Variants in ATP8A1 observed in about 807,000 individuals in gnomAD.
The protein encoded by ATP8A1 is ATPase phospholipid transporting 8A1.
ATP8A1 carries 90 observed loss-of-function variants against 177.7 expected under a neutral mutation model. That is an observed-to-expected ratio of 0.51 (90% CI 0.43 to 0.60). The LOEUF (loss-of-function observed/expected upper bound fraction) is 0.60, where lower values mean the gene tolerates loss of function less well. Ranked by LOEUF, ATP8A1 falls within the 20% of genes least tolerant of loss-of-function variation. The pLI, the probability that ATP8A1 is intolerant of heterozygous loss-of-function variation, is 0.00. For synonymous variants in ATP8A1, 493 were observed against 485.9 expected (o/e 1.01, Z -0.19); for missense variants, 1,072 against 1,392.8 (o/e 0.77, Z 3.67).
At chr4:42,430,647 G>A (rs183676452) in intron 33 of ATP8A1, among the ~76,000 whole-genome samples, 74 of 152,226 alleles carry the variant, frequency 4.9e-4, no homozygotes, top group African/African-American at 1.6e-3. Flanking sequence ...ACCCTCCGGT[G>A]GGCCCCAGTG....
intron 1 of ATP8A1, among the ~76,000 whole-genome samples, chr4:42,643,178 C>G (rs564265230): frequency 6.6e-6 from 1 of 152,190 alleles, no homozygotes; most frequent in Admixed American, 6.5e-5. Flanking sequence ...TTCCCAGATA[C>G]CTAAAATTCA....
At chr4:42,509,849 CA>C (rs751055015) in intron 22 of ATP8A1, among the ~76,000 whole-genome samples, 17,100 of 78,900 alleles carry the variant, frequency 0.22, 690 homozygotes, top group South Asian at 0.33. Flanking sequence ...GAGACAGTCT[CA>C]AAAAAAAAAA....
intron 5 of ATP8A1, among the ~76,000 whole-genome samples, chr4:42,611,653 T>G (rs1161829866): frequency 6.6e-6 from 1 of 152,230 alleles, no homozygotes; most frequent in Admixed American, 6.5e-5. Context: ...GATGAAGTTG[T>G]CATTCCACTT....
chr4:42,515,977 G>C (rs1373479743), intron 22 of ATP8A1, among the ~76,000 whole-genome samples: 1 of 152,148 alleles, frequency 6.6e-6, no homozygotes, highest in East Asian at 1.9e-4. Context: ...TAGCACATTT[G>C]ATACCAGTGC....
At chr4:42,640,818 C>T (rs1401680025) in intron 1 of ATP8A1, among the ~76,000 whole-genome samples, 1 of 152,032 alleles carries the variant, frequency 6.6e-6, no homozygotes, top group African/African-American at 2.4e-5. Flanking sequence ...TCAGGGTCAA[C>T]ATGGAGCACC....
intron 1 of ATP8A1, among the ~76,000 whole-genome samples, chr4:42,644,150 C>G (rs1161216516): frequency 6.6e-6 from 1 of 152,134 alleles, no homozygotes; most frequent in East Asian, 1.9e-4. Context: ...CTACTAAGTT[C>G]AGACTGAAGG....
chr4:42,468,824 A>G (rs556246819), intron 25 of ATP8A1, among the ~76,000 whole-genome samples: 1 of 152,356 alleles, frequency 6.6e-6, no homozygotes, highest in African/African-American at 2.4e-5. Context: ...AAAAATTAAA[A>G]CAAAAGACAT....
intron 19 of ATP8A1, among the ~76,000 whole-genome samples, chr4:42,544,576 T>C (rs543574540): frequency 1.3e-5 from 2 of 152,330 alleles, no homozygotes; most frequent in South Asian, 2.1e-4. Flanking sequence ...GTTGATGACA[T>C]AGTTTAATAA....
intron 5 of ATP8A1, among the ~76,000 whole-genome samples, chr4:42,613,217 C>T (rs1736545958): frequency 6.6e-6 from 1 of 152,188 alleles, no homozygotes; most frequent in African/African-American, 2.4e-5. Flanking sequence ...AAGACCAATA[C>T]TCAAAGGCAG....
intron 25 of ATP8A1, among the ~76,000 whole-genome samples, chr4:42,471,468 G>A (rs561810325): frequency 1.3e-5 from 2 of 152,272 alleles, no homozygotes; most frequent in South Asian, 4.2e-4. Flanking sequence ...AATTTATGTG[G>A]TTATAGGTAA....
chr4:42,582,268 A>G (rs1184816458), intron 9 of ATP8A1, among the ~76,000 whole-genome samples: 1 of 152,170 alleles, frequency 6.6e-6, no homozygotes, highest in Non-Finnish European at 1.5e-5. Flanking sequence ...AATTTCCATC[A>G]TTAAAGCCAC....
Position 42,555,118 on chromosome 4 carries a change from T to TA in ATP8A1, c.1413+849dup, listed in dbSNP as rs538072593. ...CTATCTATCTATCTATCTATCTATC[T>TA]ATCTATCTATCTATCTATCTAATCT... On this transcript the variant is annotated intron_variant, in intron 16 of 36. Coordinates refer to ENST00000381668, the MANE Select transcript of ATP8A1 (RefSeq NM_006095.2). Among the ~76,000 whole-genome samples the TA allele has an allele frequency of 3.2e-4, 31 of 96,862 alleles. 1 individual carries two copies. The highest frequency in any genetic ancestry group is 1.4e-3 in the African/African-American group (29 of 21,236). The allele number at this position is 96,862 out of a possible 152,430, so 63.5% of individuals were successfully genotyped here.
intron 20 of ATP8A1, among the ~76,000 whole-genome samples, chr4:42,535,427 A>G (rs1225742215): frequency 6.6e-6 from 1 of 152,200 alleles, no homozygotes; most frequent in Non-Finnish European, 1.5e-5. Flanking sequence ...TCCTAAATAT[A>G]TATGCACTTA....
intron 3 of ATP8A1, chr4:42,625,152 T>C (rs1203978832): frequency 6.5e-6 from 1 of 152,694 alleles, no homozygotes; most frequent in Admixed American, 6.5e-5. Flanking sequence ...TTGTGTTTTG[T>C]GGTGTTTTAA....
chr4:42,616,928 T>C (rs1188243469), intron 4 of ATP8A1, among the ~76,000 whole-genome samples: 1 of 152,188 alleles, frequency 6.6e-6, no homozygotes, highest in Admixed American at 6.5e-5. Flanking sequence ...GCATCGAGTG[T>C]AACTCATCAG....
chr4:42,622,851 A>G (rs1439715528), intron 4 of ATP8A1, among the ~76,000 whole-genome samples: 1 of 152,084 alleles, frequency 6.6e-6, no homozygotes, highest in African/African-American at 2.4e-5. Context: ...CAGTACTAAT[A>G]ATACAAAATT....
At chr4:42,610,617 CTG>C in intron 5 of ATP8A1, among the ~76,000 whole-genome samples, 2 of 151,410 alleles carry the variant, frequency 1.3e-5, no homozygotes, top group South Asian at 4.2e-4. Flanking sequence ...CAACCTGGAG[CTG>C]TCTTTCCCCA....
intron 22 of ATP8A1, among the ~76,000 whole-genome samples, chr4:42,515,646 A>G (rs1725450916): frequency 6.6e-6 from 1 of 152,218 alleles, no homozygotes; most frequent in Non-Finnish European, 1.5e-5. Flanking sequence ...GCCTTATCTC[A>G]GTGCCCAGGG....
chr4:42,478,071 A>AT (rs1033462326), intron 25 of ATP8A1, among the ~76,000 whole-genome samples: 1 of 151,546 alleles, frequency 6.6e-6, no homozygotes, highest in African/African-American at 2.4e-5. Context: ...AAGGTAAAAA[A>AT]TTTTTTTGGC....
Sources: allele counts gnomAD v4.1 joint callset (sites outside exome capture counted in the v4.1 genomes callset), GRCh38; gene constraint gnomAD v4.1.1; transcripts MANE v1.5; gene names NCBI Gene and HGNC (gene_info 2026-07-23, HGNC 2026-07-21).